ADCY2: variants seen among roughly 807,000 people sequenced by gnomAD.
ADCY2 encodes the protein adenylate cyclase 2.
Under a neutral mutation model 125.2 loss-of-function variants are expected in ADCY2, and 31 were observed. The observed-to-expected ratio is 0.25, with a 90% CI of 0.19 to 0.33. The LOEUF is 0.33. ADCY2 is among the 10% of genes least tolerant of loss of function. ADCY2 has a pLI of 1.00. For synonymous variants in ADCY2, 512 were observed against 548.4 expected (o/e 0.93, Z 0.93); for missense variants, 904 against 1,418.2 (o/e 0.64, Z 5.82).
chr5:7,460,456 T>G (rs1741876041), intron 2 of ADCY2, among the ~76,000 whole-genome samples: 1 of 152,164 alleles, frequency 6.6e-6, no homozygotes, highest in South Asian at 2.1e-4. Context: ...ACTATAGTTG[T>G]TTTTAAAATT....
intron 3 of ADCY2, among the ~76,000 whole-genome samples, chr5:7,622,827 G>A (rs1285705398): frequency 8.5e-5 from 13 of 152,168 alleles, no homozygotes; most frequent in South Asian, 4.2e-4. Context: ...GCAGCACAGC[G>A]GGGAGCACCC....
At chr5:7,620,529 G>A (rs1338122987) in intron 3 of ADCY2, among the ~76,000 whole-genome samples, 1 of 152,150 alleles carries the variant, frequency 6.6e-6, no homozygotes, top group Non-Finnish European at 1.5e-5. Context: ...GACTGATAAA[G>A]AGCAGAAACC....
In ADCY2 at chr5:7,784,297, A is replaced by G. The variant is rs527630238; in HGVS notation, c.2385-68A>G. On this transcript the variant is annotated intron_variant, in intron 18 of 24. Transcript: ENST00000338316. ...AGAATCTGATATTTGTTGATATTCA[A>G]ATTCTAAGTCCTGTATGCGTGTTGT... 7 of 1,133,958 alleles carry G rather than the reference A, an allele frequency of 6.2e-6. No individual in the cohort carries two copies. The East Asian group carries it at 1.2e-4, about 19-fold the overall frequency. The allele number at this position is 1,133,958 out of a possible 1,614,324, so 70.2% of individuals were successfully genotyped here. A position where few individuals can be genotyped will look rare whatever the true frequency, so the allele number is the denominator to read the frequency against.
chr5:7,522,426 C>T (rs972475168), intron 3 of ADCY2: 1 of 152,154 alleles, frequency 6.6e-6, no homozygotes, highest in African/African-American at 2.4e-5. Flanking sequence ...AGAAACACTC[C>T]TGTGGATACA....
intron 2 of ADCY2, among the ~76,000 whole-genome samples, chr5:7,430,700 T>C (rs1266838337): frequency 6.6e-6 from 1 of 151,964 alleles, no homozygotes; most frequent in Non-Finnish European, 1.5e-5. Context: ...GCACTGTGTG[T>C]CACCATTTCA....
At position 7,651,351 on chromosome 5, in the gene ADCY2, C is replaced by T. The variant is rs182568909; in HGVS notation, c.720+25035C>T. 3.0e-3 allele frequency among the ~76,000 whole-genome samples: 461 copies of T among 152,204 alleles called. 2 individuals are homozygous for T. Among genetic ancestry groups the T allele is most frequent in the Admixed American group, 5.8e-3 (88 of 15,298 alleles). On this transcript the variant is annotated intron_variant, in intron 4 of 24. Coordinates refer to ENST00000338316, the MANE Select transcript of ADCY2 (RefSeq NM_020546.3). ...CACACGATCACAAGGTGAGGTCCCACAATAGGCCATCTGAAAACTGAGGAT... is the reference window on the plus strand; with the variant it reads ...CACACGATCACAAGGTGAGGTCCCATAATAGGCCATCTGAAAACTGAGGAT...
intron 12 of ADCY2, among the ~76,000 whole-genome samples, chr5:7,721,855 A>G (rs1741771816): frequency 6.6e-6 from 1 of 152,160 alleles, no homozygotes; most frequent in South Asian, 2.1e-4. Flanking sequence ...TTTTTAAAAG[A>G]TATATTCTAT....
intron 4 of ADCY2, chr5:7,654,077 A>G (rs1250211047): frequency 4.4e-6 from 2 of 456,188 alleles, no homozygotes; most frequent in Admixed American, 2.3e-5. Context: ...AGTAGCATTT[A>G]CCACCCTGAG....
At chr5:7,723,972 T>C (rs1212932396) in intron 12 of ADCY2, among the ~76,000 whole-genome samples, 1 of 139,940 alleles carries the variant, frequency 7.1e-6, no homozygotes, top group Non-Finnish European at 1.5e-5. Flanking sequence ...TATTCAAGCA[T>C]GACTTTTACC....
chr5:7,709,065 A>C lies in ADCY2; in HGVS notation c.1402-146A>C. ...CAACTCAAATAGTGTGTTCCCCAGT[A>C]ACACTGAAGGAATAAGGACAGAAAA... On this transcript the variant is annotated intron_variant, in intron 9 of 24. Coordinates refer to ENST00000338316, the MANE Select transcript of ADCY2 (RefSeq NM_020546.3). This position sits in a 1 kb window ranked among gnomAD's most constrained non-coding sequence, Gnocchi z 4.4. The C allele has an allele frequency of 1.4e-6, 1 of 693,332 alleles. No homozygotes were observed. The highest frequency in any genetic ancestry group is 1.8e-5 in the African/African-American group (1 of 54,578). 42.9% of individuals were successfully genotyped at this position (693,332 alleles called of 1,614,324 possible). A position where few individuals can be genotyped will look rare whatever the true frequency, so the allele number is the denominator to read the frequency against.
intron 3 of ADCY2, among the ~76,000 whole-genome samples, chr5:7,580,464 G>A (rs1030982423): frequency 2.6e-5 from 4 of 152,150 alleles, no homozygotes; most frequent in African/African-American, 9.7e-5. Context: ...ATTAATGAGT[G>A]AGATTAACAA....
chr5:7,520,302 C>T (rs1232045038), intron 2 of ADCY2, among the ~76,000 whole-genome samples: 1 of 152,136 alleles, frequency 6.6e-6, no homozygotes, highest in African/African-American at 2.4e-5. Context: ...TCACTAACTC[C>T]CCTTGATGAC....
chr5:7,527,107 A>G (rs983089346), intron 3 of ADCY2, among the ~76,000 whole-genome samples: 2 of 152,180 alleles, frequency 1.3e-5, no homozygotes, highest in African/African-American at 4.8e-5. Flanking sequence ...GGAAAAGAAG[A>G]TGTGAAACCC....
intron 3 of ADCY2, among the ~76,000 whole-genome samples, chr5:7,602,948 T>A (rs1222768743): frequency 6.6e-6 from 1 of 152,162 alleles, no homozygotes; most frequent in Non-Finnish European, 1.5e-5. Context: ...ACATGGGGGC[T>A]GCTGGCTTTG....
chr5:7,577,776 T>TG, intron 3 of ADCY2, among the ~76,000 whole-genome samples: 1 of 152,172 alleles, frequency 6.6e-6, no homozygotes, highest in South Asian at 2.1e-4. Context: ...GTAGAAAAGG[T>TG]GAAATTTTGA....
At chr5:7,636,966 C>T (rs1019056583) in intron 4 of ADCY2, among the ~76,000 whole-genome samples, 7 of 152,248 alleles carry the variant, frequency 4.6e-5, no homozygotes, top group Middle Eastern at 3.4e-3. Flanking sequence ...AGAAATGCCG[C>T]GGGGTTTGTT....
Position 7,599,244 on chromosome 5 carries a change from C to T in ADCY2, c.571-26923C>T, listed in dbSNP as rs143390611. 3.0e-3 allele frequency among the ~76,000 whole-genome samples: 460 copies of T among 152,194 alleles called. 1 individual carries two copies. The highest frequency in any genetic ancestry group is 5.6e-3 in the Admixed American group (86 of 15,286). On this transcript the variant is annotated intron_variant, in intron 3 of 24. Coordinates refer to ENST00000338316, the MANE Select transcript of ADCY2 (RefSeq NM_020546.3). ...GAGTAGGGACAGCCCAGGGGCAGTA[C>T]GAGTTTTTTTGTGAGAATCCAGAGT... is the stretch of plus-strand genomic sequence containing the variant.
intron 4 of ADCY2, among the ~76,000 whole-genome samples, chr5:7,641,799 A>T (rs996976367): frequency 2.0e-5 from 3 of 151,962 alleles, no homozygotes; most frequent in African/African-American, 7.3e-5. Context: ...GTTTTGTGTT[A>T]ATTTGCTTAG....
intron 3 of ADCY2, among the ~76,000 whole-genome samples, chr5:7,595,271 A>T (rs187763590): frequency 6.6e-6 from 1 of 152,210 alleles, no homozygotes; most frequent in Non-Finnish European, 1.5e-5. Context: ...TTAAAATTAA[A>T]TAGCACATTC....
Sources: gnomAD v4.1 joint callset for allele counts (sites outside exome capture counted in the v4.1 genomes callset) on GRCh38, gnomAD v4.1.1 for gene constraint, Gnocchi (gnomAD v3.1) non-coding constraint, MANE v1.5 for transcripts, NCBI Gene and HGNC (gene_info 2026-07-23, HGNC 2026-07-21) for gene names.